The following CSMD2 variants were observed in gnomAD, a reference collection of about 807,000 sequenced individuals.
CSMD2 encodes the protein CUB and sushi domain-containing protein 2.
A neutral mutation model predicts 398.5 loss-of-function variants in CSMD2; 130 were observed. The ratio of observed to expected loss-of-function variants is 0.33; its 90% CI spans 0.28 to 0.38. CSMD2 has a LOEUF of 0.38. Ranked by LOEUF, CSMD2 falls within the 10% of genes least tolerant of loss-of-function variation. CSMD2 has a pLI of 1.00. For synonymous variants in CSMD2, 1,828 were observed against 1,908.5 expected, an observed-to-expected ratio of 0.96 and a Z score of 1.10; for missense variants, 3,829 against 4,764.9, an observed-to-expected ratio of 0.80 and a Z score of 5.78.
At chr1:33,777,738 G>A (rs1419800309) in intron 12 of CSMD2, among the ~76,000 whole-genome samples, 2 of 152,132 alleles carry the variant, frequency 1.3e-5, no homozygotes, top group African/African-American at 4.8e-5. Context: ...TGCCTCAGAA[G>A]TCCATCATGA....
intron 65 of CSMD2, 116 bp downstream of exon 65, chr1:33,527,080 A>C (rs1489682440): frequency 1.1e-6 from 1 of 926,282 alleles, no homozygotes; most frequent in African/African-American, 1.6e-5. Context: ...ATTTATAGAT[A>C]GTTTTCATGC....
chr1:33,954,006 C>A (rs1023268579), intron 3 of CSMD2, among the ~76,000 whole-genome samples: 1 of 152,058 alleles, frequency 6.6e-6, no homozygotes, highest in Non-Finnish European at 1.5e-5. Flanking sequence ...TCGAGCAAGT[C>A]CTTTCCCTCC....
intron 12 of CSMD2, among the ~76,000 whole-genome samples, chr1:33,784,924 C>T (rs899345016): frequency 6.6e-6 from 1 of 152,188 alleles, no homozygotes; most frequent in Non-Finnish European, 1.5e-5. Flanking sequence ...CTCAAGCTTA[C>T]ACAGCTGGGA....
intron 3 of CSMD2, among the ~76,000 whole-genome samples, chr1:33,991,409 T>C (rs1339938091): frequency 2.6e-5 from 4 of 152,238 alleles, no homozygotes; most frequent in African/African-American, 4.8e-5. Flanking sequence ...TGAAACCTTT[T>C]AGTTTACCGC....
chr1:33,676,055 G>A lies in CSMD2; in HGVS notation c.4053-12963C>T, dbSNP rs544502235. Among the ~76,000 whole-genome samples the A allele has an allele frequency of 1.1e-3, 169 of 152,284 alleles. 1 individual carries two copies. Among genetic ancestry groups the A allele is most frequent in the African/African-American group, 4.0e-3 (166 of 41,550 alleles). ...TCCCTTTGAAAACTGGCACAAGACA[G>A]GGATGCCCTCTCTCACCACTCCTAT... On this transcript the variant is annotated intron_variant, in intron 25 of 70. Transcript: ENST00000373381.
intron 2 of CSMD2, among the ~76,000 whole-genome samples, chr1:34,088,184 C>A (rs961286965): frequency 1.7e-4 from 26 of 152,334 alleles, no homozygotes; most frequent in Non-Finnish European, 3.1e-4. Context: ...TCATTAGAAG[C>A]AATTAGCACC....
intron 1 of CSMD2, among the ~76,000 whole-genome samples, chr1:34,156,999 C>T (rs1640869011): frequency 6.6e-6 from 1 of 152,110 alleles, no homozygotes; most frequent in African/African-American, 2.4e-5. Flanking sequence ...TGTGCTAGCT[C>T]TAGGGTAGGC....
intron 62 of CSMD2, among the ~76,000 whole-genome samples, chr1:33,535,245 G>T (rs1184813041): frequency 6.6e-6 from 1 of 152,112 alleles, no homozygotes; most frequent in Non-Finnish European, 1.5e-5. Context: ...TATGGACATG[G>T]TTGTAATGTT....
intron 37 of CSMD2, among the ~76,000 whole-genome samples, chr1:33,619,019 CAG>C (rs942896068): frequency 1.3e-5 from 2 of 152,174 alleles, no homozygotes; most frequent in Non-Finnish European, 2.9e-5. Context: ...CATTTCCAGA[CAG>C]GGGGCTTCCT....
chr1:34,163,184 G>A lies in CSMD2; in HGVS notation c.187+1727C>T, dbSNP rs373894858. On this transcript the variant is annotated intron_variant, in intron 1 of 70. Coordinates refer to ENST00000373381, the MANE Select transcript of CSMD2 (RefSeq NM_001281956.2). This position sits in a 1 kb window ranked among gnomAD's most constrained non-coding sequence, Gnocchi z 5.4. ...TCTCCAATCAGCTAAGCCAGAGACC[G>A]GCCTCGCCTCAACGTACGTCCGGGA... 2.6e-5 allele frequency among the ~76,000 whole-genome samples: 4 copies of A among 152,242 alleles called. No individual in the cohort carries two copies. Among genetic ancestry groups the A allele is most frequent in the African/African-American group, 9.6e-5 (4 of 41,474 alleles).
intron 3 of CSMD2, among the ~76,000 whole-genome samples, chr1:33,960,103 C>T (rs920345914): frequency 1.3e-5 from 2 of 152,194 alleles, no homozygotes; most frequent in South Asian, 4.1e-4. Context: ...TGCTCCTGCC[C>T]CCAGCCCACT....
At chr1:33,745,373 A>G (rs1647262039) in intron 13 of CSMD2, among the ~76,000 whole-genome samples, 2 of 152,240 alleles carry the variant, frequency 1.3e-5, no homozygotes, top group Non-Finnish European at 2.9e-5. Flanking sequence ...CAAGCATAAA[A>G]AAGGTAGTTC....
chr1:34,022,329 C>T (rs1649011246), intron 3 of CSMD2, among the ~76,000 whole-genome samples: 3 of 152,170 alleles, frequency 2.0e-5, no homozygotes, highest in Admixed American at 1.3e-4. Context: ...TTATTGTCCT[C>T]CTATGATAAG....
intron 2 of CSMD2, among the ~76,000 whole-genome samples, chr1:34,045,330 T>C (rs1223313720): frequency 6.6e-6 from 1 of 152,172 alleles, no homozygotes; most frequent in East Asian, 1.9e-4. Flanking sequence ...ACTCTCAGTC[T>C]TCAACACCCT....
At chr1:33,905,838 C>T (rs944826923) in intron 5 of CSMD2, among the ~76,000 whole-genome samples, 2 of 152,184 alleles carry the variant, frequency 1.3e-5, no homozygotes, top group African/African-American at 2.4e-5. Flanking sequence ...TGAGGTGTGG[C>T]AGAGAACTCG....
At chr1:33,818,023 C>T (rs996542019) in intron 9 of CSMD2, among the ~76,000 whole-genome samples, 1 of 152,234 alleles carries the variant, frequency 6.6e-6, no homozygotes, top group Non-Finnish European at 1.5e-5. Flanking sequence ...ACCAGCCCTT[C>T]TCCACCCTTG....
rs534392471 is a variant in CSMD2 at position 33,636,232 on chromosome 1, A to G, written c.4969+128T>C. 1.1e-5 allele frequency: 9 copies of G among 838,858 alleles called. No individual in the cohort carries two copies. The highest frequency in any genetic ancestry group is 1.0e-4 in the African/African-American group (6 of 58,214). The allele number at this position is 838,858 out of a possible 1,614,324, so 52.0% of individuals were successfully genotyped here. ...TTCTATACACATCCACGGCAAACCC[A>G]GGTTTGCCAGGCTTGGAGGAGCCGG... On this transcript the variant is annotated intron_variant, in intron 30 of 70. Coordinates refer to ENST00000373381, the MANE Select transcript of CSMD2 (RefSeq NM_001281956.2). The surrounding 1 kb of genome is among the most constrained non-coding windows in gnomAD (Gnocchi z 4.8).
chr1:33,594,432 T>G (rs867270936), intron 44 of CSMD2, among the ~76,000 whole-genome samples: 1 of 152,212 alleles, frequency 6.6e-6, no homozygotes. Flanking sequence ...AAGGTAACTT[T>G]CTCAGCCTGG....
At chr1:33,664,135 C>T (rs998009751) in intron 25 of CSMD2, among the ~76,000 whole-genome samples, 1 of 152,116 alleles carries the variant, frequency 6.6e-6, no homozygotes, top group Non-Finnish European at 1.5e-5. Flanking sequence ...AGAGAAAAGG[C>T]AAACAATATA....
Sources: gnomAD v4.1 joint callset for allele counts (sites outside exome capture counted in the v4.1 genomes callset) on GRCh38, gnomAD v4.1.1 for gene constraint, Gnocchi (gnomAD v3.1) non-coding constraint, MANE v1.5 for transcripts, NCBI Gene and HGNC (gene_info 2026-07-23, HGNC 2026-07-21) for gene names.